Variants in DNAH12 observed in about 807,000 individuals in gnomAD.
The protein encoded by DNAH12 is axonemal beta dynein heavy chain 12.
Under a neutral mutation model 371.5 loss-of-function variants are expected in DNAH12, and 285 were observed. The ratio of observed to expected loss-of-function variants is 0.77; its 90% CI spans 0.70 to 0.85. The LOEUF (loss-of-function observed/expected upper bound fraction) is 0.85. Ranked by LOEUF, DNAH12 falls within the 40% of genes least tolerant of loss-of-function variation. The pLI is 0.00. For missense variants in DNAH12, 3,611 were observed against 3,689.4 expected, an observed-to-expected ratio of 0.98 and a Z score of 0.55; for synonymous variants, 1,200 against 1,213.0, an observed-to-expected ratio of 0.99 and a Z score of 0.22.
At chr3:57,376,337 C>T (rs36152470) in intron 53 of DNAH12, among the ~76,000 whole-genome samples, 100,109 of 151,744 alleles carry the variant, frequency 0.66, 33,631 homozygotes, top group Non-Finnish European at 0.75. Flanking sequence ...GTAAAACATA[C>T]GAACATTTGC....
At chr3:57,401,049 T>C (rs1276288292) in intron 43 of DNAH12, among the ~76,000 whole-genome samples, 5 of 152,126 alleles carry the variant, frequency 3.3e-5, no homozygotes, top group Non-Finnish European at 7.4e-5. Context: ...TAGAAATCAA[T>C]GCCAGAAGGA....
Position 57,472,660 on chromosome 3 carries a change from G to A in DNAH12, c.1662C>T (p.Arg554=). Residue 554 remains arginine, a synonymous_variant, in exon 14 of 74, where the codon CGC becomes CGT. Transcript: ENST00000495027. ...AAACATCTAAAAAGTAACTCATTTGGCGTTTAGATTCCTACAAAAGAAACT... is the reference window on the plus strand; with the variant it reads ...AAACATCTAAAAAGTAACTCATTTGACGTTTAGATTCCTACAAAAGAAACT... ...ELILRIQESK[R]QMSYFLDVFL... 6.5e-7 allele frequency: 1 copy of A among 1,549,846 alleles called. No individual in the cohort carries two copies.
intron 60 of DNAH12, among the ~76,000 whole-genome samples, chr3:57,345,393 A>G (rs1553657721): frequency 6.6e-6 from 1 of 152,216 alleles, no homozygotes; most frequent in Non-Finnish European, 1.5e-5. Flanking sequence ...TAATGTATAC[A>G]AAGAATTATA....
intron 58 of DNAH12, among the ~76,000 whole-genome samples, chr3:57,357,969 T>C (rs2062838532): frequency 6.6e-6 from 1 of 152,140 alleles, no homozygotes; most frequent in South Asian, 2.1e-4. Flanking sequence ...CAAAGAAAAA[T>C]GTTCTCCAAG....
intron 72 of DNAH12, 66 bp downstream of exon 72, chr3:57,296,278 C>T: frequency 8.1e-7 from 1 of 1,228,212 alleles, no homozygotes; most frequent in East Asian, 2.7e-5. Context: ...TTTTAAGCAA[C>T]AGATTGCTTA....
intron 45 of DNAH12, among the ~76,000 whole-genome samples, chr3:57,390,888 A>T (rs2063608879): frequency 6.6e-6 from 1 of 152,130 alleles, no homozygotes; most frequent in Admixed American, 6.5e-5. Flanking sequence ...CTACTGTGAT[A>T]TCTCTGGTAT....
intron 25 of DNAH12, among the ~76,000 whole-genome samples, chr3:57,449,648 C>T (rs993502158): frequency 1.4e-4 from 21 of 152,318 alleles, no homozygotes; most frequent in African/African-American, 4.6e-4. Context: ...GAGTGCGGGG[C>T]CCGCCAAGCC....
chr3:57,402,361 G>C (rs1313168417), intron 43 of DNAH12: 1 of 1,298,518 alleles, frequency 7.7e-7, no homozygotes, highest in African/African-American at 1.5e-5. Flanking sequence ...CAGACCCCTA[G>C]GCATATAAGG....
chr3:57,389,842 T>TATATATATATATATATATATATAAA (rs2063578029), intron 45 of DNAH12, among the ~76,000 whole-genome samples: 45 of 70,464 alleles, frequency 6.4e-4, no homozygotes, highest in Non-Finnish European at 8.9e-4. Flanking sequence ...ATATATATAA[T>TATATATATATATATATATATATAAA]ACTTTTTTTT....
intron 58 of DNAH12, among the ~76,000 whole-genome samples, chr3:57,357,826 C>T (rs1289784940): frequency 1.3e-5 from 2 of 152,096 alleles, no homozygotes; most frequent in African/African-American, 4.8e-5. Flanking sequence ...TGTACTGGAA[C>T]CCAGCACAGT....
chr3:57,492,920 GC>G (rs1272344299), intron 11 of DNAH12, among the ~76,000 whole-genome samples: 1 of 152,114 alleles, frequency 6.6e-6, no homozygotes, highest in East Asian at 1.9e-4. Context: ...CAGGAGAATT[GC>G]TTGGGCCCAG....
At chr3:57,486,244 AT>A (rs1423940752) in intron 12 of DNAH12, among the ~76,000 whole-genome samples, 2 of 151,808 alleles carry the variant, frequency 1.3e-5, no homozygotes, top group African/African-American at 4.8e-5. Flanking sequence ...AACTATTGAA[AT>A]TTTAAAAATT....
In DNAH12 at chr3:57,429,770, C is replaced by A; in HGVS notation, c.4985G>T (p.Cys1662Phe). ...NTVLDDNKKL[C>F]LMSGEIIQMS... ...CTGAATGATTTCTCCACTCATAAGG[C>A]AAAGCTAAAAGCAATTATTTTTCAA... is the stretch of plus-strand genomic sequence containing the variant. The change falls in exon 33 of 74, where the codon TGC becomes TTC. Residue 1662 changes from cysteine to phenylalanine, a missense_variant. Cys to Phe is a radical substitution (Grantham distance 205). This residue lies in a region of DNAH12 where 2,266 missense variants were observed against 2,236.9 expected (regional missense o/e 1.01). Transcript: ENST00000495027. 3 of 1,506,014 alleles carry A rather than the reference C, an allele frequency of 2.0e-6. No homozygotes were observed. Among genetic ancestry groups the A allele is most frequent in the Non-Finnish European group, 2.6e-6 (3 of 1,133,090 alleles). 93.3% of individuals were successfully genotyped at this position (1,506,014 alleles called of 1,614,324 possible).
rs1190891866 is a variant in DNAH12 at position 57,293,789 on chromosome 3, C to G, written c.11875G>C (p.Asp3959His). The G allele has an allele frequency of 2.6e-6, 4 of 1,537,464 alleles. No homozygotes were observed. Among genetic ancestry groups the G allele is most frequent in the Non-Finnish European group, 3.5e-6 (4 of 1,138,988 alleles). The change falls in exon 74 of 74, where the codon GAT becomes CAT. Residue 3959 changes from aspartate (D) to histidine (H), a missense_variant. This residue lies in a region of DNAH12 where 2,266 missense variants were observed against 2,236.9 expected (regional missense o/e 1.01). Coordinates refer to ENST00000495027, the MANE Select transcript of DNAH12 (RefSeq NM_001366028.2). ...KRGVALLCQL[D>H]D Reference sequence around the variant, plus strand: ...TTATAAATTTGTCCAATTTAGTCATCCAACTGACAAAGCAAAGCAACCCCG... The same window carrying G: ...TTATAAATTTGTCCAATTTAGTCATGCAACTGACAAAGCAAAGCAACCCCG...
At chr3:57,296,560 T>C (rs1013954044) in intron 71 of DNAH12, 125 bp from the exon 72 acceptor site, 3 of 810,778 alleles carry the variant, frequency 3.7e-6, no homozygotes, top group African/African-American at 1.7e-5. Flanking sequence ...TGTTAAACTA[T>C]ACATTTTTTC....
At chr3:57,505,879 G>A (rs1410480497) in intron 8 of DNAH12, among the ~76,000 whole-genome samples, 1 of 151,722 alleles carries the variant, frequency 6.6e-6, no homozygotes, top group Non-Finnish European at 1.5e-5. Flanking sequence ...TGAGTAGCTG[G>A]GACAATAGGC....
intron 58 of DNAH12, among the ~76,000 whole-genome samples, chr3:57,359,007 C>T (rs966792029): frequency 5.3e-5 from 8 of 151,960 alleles, no homozygotes; most frequent in East Asian, 2.0e-4. Context: ...TAGTCTCGAA[C>T]GCTTGACCTC....
At chr3:57,500,629 T>C (rs1478925452) in intron 11 of DNAH12, among the ~76,000 whole-genome samples, 2 of 152,212 alleles carry the variant, frequency 1.3e-5, no homozygotes. Flanking sequence ...ATTTCACTTC[T>C]TGCATAATCT....
rs1553674545 is a variant in DNAH12, at chr3:57,390,408, C to CAAGAA, written c.7305+1463_7305+1464insTTCTT. 8.2e-4 allele frequency among the ~76,000 whole-genome samples: 5 copies of CAAGAA among 6,088 alleles called. 1 individual carries two copies. The highest frequency in any genetic ancestry group is 7.9e-3 in the Admixed American group (2 of 252). 4.0% of individuals were successfully genotyped at this position (6,088 alleles called of 152,430 possible). On this transcript the variant is annotated intron_variant, in intron 45 of 73. Coordinates refer to ENST00000495027, the MANE Select transcript of DNAH12 (RefSeq NM_001366028.2). ...AGCCTGGGCGACAGAGATCCTGTCT[C>CAAGAA]AAAAAAAAAAAAAAAAATATATATA... is the stretch of plus-strand genomic sequence containing the variant.
Sources: gnomAD v4.1 joint callset for allele counts (sites outside exome capture counted in the v4.1 genomes callset) on GRCh38, gnomAD v4.1.1 for gene constraint, gnomAD v4.1.1 regional missense constraint, MANE v1.5 for transcripts, NCBI Gene and HGNC (gene_info 2026-07-23, HGNC 2026-07-21) for gene names.